Variants in LRFN5 observed in about 807,000 individuals in gnomAD.
LRFN5 encodes the protein leucine rich repeat and fibronectin type III domain containing 5, also known as leucine-rich repeat and fibronectin type-III domain-containing protein 5.
LRFN5 carries 24 observed loss-of-function variants against 45.6 expected under a neutral mutation model. The observed-to-expected ratio is 0.53, with a 90% confidence interval of 0.38 to 0.74. LRFN5 has a LOEUF of 0.74. Among genes scored for constraint, LRFN5 ranks in the 30% least tolerant of loss-of-function variants. The pLI, the probability that LRFN5 is intolerant of heterozygous loss-of-function variation, is 0.00. For missense variants in LRFN5, 776 were observed against 861.5 expected (o/e 0.90, Z 1.24); for synonymous variants, 340 against 313.8 (o/e 1.08, Z -0.88).
rs778629394 is a variant in LRFN5 at position 41,904,436 on chromosome 14, T to A, written c.*261T>A. 4.8e-5 allele frequency: 20 copies of A among 415,998 alleles called. No individual in the cohort carries two copies. Among genetic ancestry groups the A allele is most frequent in the Non-Finnish European group, 8.5e-6 (2 of 235,818 alleles). 25.8% of individuals were successfully genotyped at this position (415,998 alleles called of 1,614,324 possible). A position where few individuals can be genotyped will look rare whatever the true frequency, so the allele number is the denominator to read the frequency against. Reference sequence around the variant, plus strand: ...TTTTAAAAAAGAAAAAAAGCCTACATTGGCATCAAGTTCTGTATCAATCCA... The same window carrying A: ...TTTTAAAAAAGAAAAAAAGCCTACAATGGCATCAAGTTCTGTATCAATCCA... On this transcript the variant is annotated 3_prime_UTR_variant, in exon 6 of 6. Transcript: ENST00000298119.
intron 1 of LRFN5, among the ~76,000 whole-genome samples, chr14:41,659,258 G>T (rs144000674): frequency 3.2e-3 from 489 of 152,016 alleles, no homozygotes; most frequent in Non-Finnish European, 4.5e-3. Flanking sequence ...GTGTCCATGT[G>T]TTCTCATTGT....
intron 1 of LRFN5, among the ~76,000 whole-genome samples, chr14:41,721,545 C>G (rs1883713652): frequency 6.6e-6 from 1 of 152,040 alleles, no homozygotes; most frequent in East Asian, 1.9e-4. Flanking sequence ...CCTTAAGAAT[C>G]TTCTTTAAGG....
intron 2 of LRFN5, among the ~76,000 whole-genome samples, chr14:41,829,463 A>G (rs1760718560): frequency 1.3e-5 from 2 of 152,008 alleles, no homozygotes; most frequent in Non-Finnish European, 2.9e-5. Context: ...AATTTCAGAC[A>G]AATTGTCGAC....
At chr14:41,706,171 G>T (rs1883058558) in intron 1 of LRFN5, among the ~76,000 whole-genome samples, 1 of 151,896 alleles carries the variant, frequency 6.6e-6, no homozygotes, top group African/African-American at 2.4e-5. Flanking sequence ...TGCGATCTTG[G>T]CTCACCGCAA....
intron 1 of LRFN5, among the ~76,000 whole-genome samples, chr14:41,697,523 G>A (rs1882663738): frequency 6.6e-6 from 1 of 151,668 alleles, no homozygotes; most frequent in Non-Finnish European, 1.5e-5. Flanking sequence ...TCTTGAGACT[G>A]TCTTATTTAA....
intron 1 of LRFN5, among the ~76,000 whole-genome samples, chr14:41,631,019 G>A (rs185291988): frequency 1.3e-5 from 2 of 152,056 alleles, no homozygotes; most frequent in East Asian, 3.9e-4. Flanking sequence ...AATTTATACT[G>A]TATATTCCTG....
intron 2 of LRFN5, among the ~76,000 whole-genome samples, chr14:41,885,696 G>A (rs1286793945): frequency 6.6e-6 from 1 of 151,936 alleles, no homozygotes; most frequent in African/African-American, 2.4e-5. Context: ...TATTTTTTGA[G>A]AATAAGATTT....
At chr14:41,666,941 A>G (rs1880927284) in intron 1 of LRFN5, among the ~76,000 whole-genome samples, 1 of 152,196 alleles carries the variant, frequency 6.6e-6, no homozygotes, top group Admixed American at 6.5e-5. Context: ...TTACAAGAAT[A>G]AGAACATAAT....
intron 5 of LRFN5, among the ~76,000 whole-genome samples, chr14:41,899,639 A>T (rs748755559): frequency 6.6e-5 from 10 of 152,080 alleles, no homozygotes; most frequent in Non-Finnish European, 1.0e-4. Context: ...CATTTGCTTG[A>T]GGTTTGGCAC....
At chr14:41,669,055 G>A (rs1413857760) in intron 1 of LRFN5, among the ~76,000 whole-genome samples, 1 of 152,040 alleles carries the variant, frequency 6.6e-6, no homozygotes, top group Non-Finnish European at 1.5e-5. Context: ...GTGTAATTTT[G>A]TTCATGAAGT....
intron 1 of LRFN5, among the ~76,000 whole-genome samples, chr14:41,624,461 C>T (rs938361433): frequency 2.0e-5 from 3 of 152,016 alleles, no homozygotes; most frequent in East Asian, 1.9e-4. Context: ...AGGTTAACAG[C>T]GAAAGTAGCA....
At chr14:41,696,684 T>C (rs1157782921) in intron 1 of LRFN5, among the ~76,000 whole-genome samples, 5 of 151,958 alleles carry the variant, frequency 3.3e-5, no homozygotes. Flanking sequence ...ATATTCCCAC[T>C]AACAGTGTAC....
At chr14:41,799,580 C>G (rs1470193692) in intron 2 of LRFN5, among the ~76,000 whole-genome samples, 3 of 151,994 alleles carry the variant, frequency 2.0e-5, no homozygotes, top group African/African-American at 7.2e-5. Context: ...TTTGTAGACA[C>G]TAGAACTCCT....
At chr14:41,835,933 TAA>T (rs35558917) in intron 2 of LRFN5, among the ~76,000 whole-genome samples, 296 of 146,476 alleles carry the variant, frequency 2.0e-3, no homozygotes, top group African/African-American at 7.2e-3. Context: ...TCTTTTTTTT[TAA>T]AAAAAAAAAA....
Position 41,740,320 on chromosome 14 carries a change from G to A in LRFN5, c.-196-26534G>A, listed in dbSNP as rs531772054. On this transcript the variant is annotated intron_variant, in intron 1 of 5. Transcript: ENST00000298119. ...GAAAACTAGCAAACCAAATTCAGAAGCACATAAAATATTTATTAACTTTGA... is the reference window on the plus strand; with the variant it reads ...GAAAACTAGCAAACCAAATTCAGAAACACATAAAATATTTATTAACTTTGA... Among the ~76,000 whole-genome samples, 20 of 151,994 alleles carry A rather than the reference G, an allele frequency of 1.3e-4. No homozygotes were observed. The South Asian group carries it at 4.2e-3, about 32-fold the overall frequency.
At chr14:41,751,895 CTAA>C (rs143992383) in intron 1 of LRFN5, among the ~76,000 whole-genome samples, 7,382 of 152,128 alleles carry the variant, frequency 0.049, 553 homozygotes, top group East Asian at 0.37. Context: ...GGCATATCTC[CTAA>C]TGTTATCCCT....
rs1028355110 is a variant in LRFN5 at position 41,841,507 on chromosome 14, A to T, written c.-20-45099A>T. ...ATTTTGTGTCTGGTTTCTTCTACTC[A>T]ATGAAATATTTTAGTTCATGATTTG... On this transcript the variant is annotated intron_variant, in intron 2 of 5. Transcript: ENST00000298119. Among the ~76,000 whole-genome samples the T allele has an allele frequency of 5.9e-5, 9 of 152,098 alleles. No homozygotes were observed. In the South Asian group the frequency reaches 1.2e-3, roughly 21 times the overall value.
chr14:41,726,900 G>A (rs185741234), intron 1 of LRFN5, among the ~76,000 whole-genome samples: 4 of 152,246 alleles, frequency 2.6e-5, no homozygotes, highest in Admixed American at 2.0e-4. Context: ...GGCTGTAATT[G>A]TATGTATATA....
intron 1 of LRFN5, among the ~76,000 whole-genome samples, chr14:41,756,355 G>T (rs1182773525): frequency 6.6e-6 from 1 of 152,218 alleles, no homozygotes; most frequent in East Asian, 1.9e-4. Context: ...ATATCCTGCA[G>T]AGGTTTTCCA....
Sources: gnomAD v4.1 joint callset for allele counts (sites outside exome capture counted in the v4.1 genomes callset) on GRCh38, gnomAD v4.1.1 for gene constraint, MANE v1.5 for transcripts, NCBI Gene and HGNC (gene_info 2026-07-23, HGNC 2026-07-21) for gene names.